SLC29A4: variants seen among roughly 807,000 people sequenced by gnomAD.
SLC29A4 encodes the protein solute carrier family 29 member 4.
A neutral mutation model predicts 43.9 loss-of-function variants in SLC29A4; 36 were observed. The ratio of observed to expected loss-of-function variants is 0.82; its 90% CI spans 0.63 to 1.08. SLC29A4 has a LOEUF of 1.08. Ranked by LOEUF, SLC29A4 falls within the 50% of genes least tolerant of loss-of-function variation. The pLI is 0.00. For synonymous variants in SLC29A4, 491 were observed against 338.0 expected, an observed-to-expected ratio of 1.45 and a Z score of -4.97; for missense variants, 869 against 755.3, an observed-to-expected ratio of 1.15 and a Z score of -1.77.
rs1172332579 is a variant in SLC29A4 at position 5,303,659 on chromosome 7, C to T, written c.*720C>T. The T allele has an allele frequency of 1.3e-5, 2 of 152,320 alleles. No individual in the cohort carries two copies. The highest frequency in any genetic ancestry group is 2.4e-5 in the African/African-American group (1 of 41,438). The allele number at this position is 152,320 out of a possible 1,614,324, so 9.4% of individuals were successfully genotyped here. A position where few individuals can be genotyped will look rare whatever the true frequency, so the allele number is the denominator to read the frequency against. On this transcript the variant is annotated 3_prime_UTR_variant, in exon 11 of 11. Coordinates refer to ENST00000396872, the MANE Select transcript of SLC29A4 (RefSeq NM_153247.4). ...AGGGGGCTGTGCCTGACTAGGGAGC[C>T]CTCCCATTGCCTTCCTGGCCCGGGA...
chr7:5,291,108 C>T lies in SLC29A4; in HGVS notation c.302-16C>T, dbSNP rs375977271. On this transcript the variant is annotated splice_polypyrimidine_tract_variant and intron_variant, in intron 3 of 10. Transcript: ENST00000396872. Reference sequence around the variant, plus strand: ...TGGGGCCTCCCTGAGCACCTGCTGTCTCTGGCCCTCTGCAGGGACCTCCAT... The same window carrying T: ...TGGGGCCTCCCTGAGCACCTGCTGTTTCTGGCCCTCTGCAGGGACCTCCAT... 4 of 1,612,578 alleles carry T rather than the reference C, an allele frequency of 2.5e-6. No individual in the cohort carries two copies. Among genetic ancestry groups the T allele is most frequent in the African/African-American group, 1.3e-5 (1 of 75,010 alleles).
chr7:5,285,978 C>G (rs1257592728), intron 1 of SLC29A4, among the ~76,000 whole-genome samples: 3 of 152,074 alleles, frequency 2.0e-5, no homozygotes, highest in African/African-American at 7.2e-5. Flanking sequence ...CCACTGCACT[C>G]CAGCCTTGGC....
chr7:5,290,249 G>C (rs1785220179), intron 2 of SLC29A4, among the ~76,000 whole-genome samples: 1 of 152,134 alleles, frequency 6.6e-6, no homozygotes, highest in Admixed American at 6.6e-5. Context: ...ATTTTTAGTA[G>C]AGATGGGGTT....
At position 5,302,019 on chromosome 7, in the gene SLC29A4, C is replaced by T. The variant is rs575078689; in HGVS notation, c.1451-778C>T. Among the ~76,000 whole-genome samples, 4 of 152,264 alleles carry T rather than the reference C, an allele frequency of 2.6e-5. No individual in the cohort carries two copies. In the East Asian group the frequency reaches 7.7e-4, roughly 29 times the overall value. On this transcript the variant is annotated intron_variant, in intron 10 of 10. Transcript: ENST00000396872. ...AGGCTGGAGTGCAGTGGCACGATCTCAGCTCACTGCAACCTCTGCCTCGCA... is the reference window on the plus strand; with the variant it reads ...AGGCTGGAGTGCAGTGGCACGATCTTAGCTCACTGCAACCTCTGCCTCGCA...
chr7:5,290,619 G>A (rs545187421), intron 2 of SLC29A4, 113 bp from the exon 3 acceptor site: 12 of 1,385,646 alleles, frequency 8.7e-6, no homozygotes, highest in African/African-American at 8.6e-5. Flanking sequence ...CAGGGGTCAC[G>A]GTGATGGACA....
rs1212335990 is a variant in SLC29A4 at position 5,283,018 on chromosome 7, C to A, written c.-73C>A. ...GCGGAGGACGCCGGGCGCGCCCGGC[C>A]CGAGGCTGGGGGAGCGGGGCGGCGT... On this transcript the variant is annotated 5_prime_UTR_variant, in exon 1 of 11. Transcript: ENST00000396872. 7.4e-6 allele frequency: 1 copy of A among 135,032 alleles called. No individual in the cohort carries two copies. The highest frequency in any genetic ancestry group is 2.7e-5 in the African/African-American group (1 of 36,668). The allele number at this position is 135,032 out of a possible 1,614,324, so 8.4% of individuals were successfully genotyped here.
intron 3 of SLC29A4, 85 bp from the exon 4 acceptor site, chr7:5,291,039 G>T: frequency 6.4e-7 from 1 of 1,554,880 alleles, no homozygotes. Context: ...TGGGCAGCGA[G>T]CCCCTTCTGG....
At position 5,287,789 on chromosome 7, in the gene SLC29A4, C is replaced by A. The variant is rs554717558; in HGVS notation, c.-8-20C>A. 1 of 1,606,548 alleles carries A rather than the reference C, an allele frequency of 6.2e-7. No individual in the cohort carries two copies. The highest frequency in any genetic ancestry group is 1.3e-5 in the African/African-American group (1 of 74,660). Reference sequence around the variant, plus strand: ...TCAGCCTTCTTCCCTCACCTGCTCTCTCTGCTTTCTCCAAAGCAGAGGCTG... The same window carrying A: ...TCAGCCTTCTTCCCTCACCTGCTCTATCTGCTTTCTCCAAAGCAGAGGCTG... On this transcript the variant is annotated intron_variant, in intron 1 of 10. Transcript: ENST00000396872.
intron 6 of SLC29A4, among the ~76,000 whole-genome samples, chr7:5,296,300 C>T (rs1220099109): frequency 1.3e-5 from 2 of 151,606 alleles, no homozygotes; most frequent in African/African-American, 4.9e-5. Context: ...CCACCCTGCG[C>T]CCGTGTGTCA....
In SLC29A4 at chr7:5,287,862, G is replaced by A; in HGVS notation, c.46G>A (p.Gly16Ser). The A allele has an allele frequency of 6.2e-7, 1 of 1,612,016 alleles. No homozygotes were observed. ...SQRLEEPSVA[G>S]TPDPGVVMSF... Reference sequence around the variant, plus strand: ...GCGCCTTGAGGAGCCCAGCGTGGCAGGCACACCAGACCCGGGCGTAGTGAT... The same window carrying A: ...GCGCCTTGAGGAGCCCAGCGTGGCAAGCACACCAGACCCGGGCGTAGTGAT... Residue 16 changes from glycine to serine, a missense_variant, in exon 2 of 11, where the codon GGC (glycine) becomes AGC (serine). By Grantham distance (56) the Gly-to-Ser change is moderately conservative (BLOSUM62 0). Transcript: ENST00000396872.
Position 5,291,158 on chromosome 7 carries a change from C to T in SLC29A4, c.336C>T (p.Tyr112=), listed in dbSNP as rs778728743. 2.8e-5 allele frequency: 45 copies of T among 1,613,868 alleles called. No individual in the cohort carries two copies. The highest frequency in any genetic ancestry group is 3.6e-5 in the Non-Finnish European group (43 of 1,180,042). Residue 112 remains tyrosine, a synonymous_variant, in exon 4 of 11, where the codon TAC becomes TAT. Coordinates refer to ENST00000396872, the MANE Select transcript of SLC29A4 (RefSeq NM_153247.4). ...TSIVFDMSLT[Y]ILVALAAVLL... Reference sequence around the variant, plus strand: ...TCGTGTTTGACATGAGCCTCACCTACATCTTGGTGGCACTGGCAGCTGTCC... The same window carrying T: ...TCGTGTTTGACATGAGCCTCACCTATATCTTGGTGGCACTGGCAGCTGTCC...
intron 4 of SLC29A4, 61 bp downstream of exon 4, chr7:5,291,298 A>T: frequency 6.9e-7 from 1 of 1,455,632 alleles, no homozygotes; most frequent in South Asian, 1.2e-5. Flanking sequence ...CTGGCCGGTC[A>T]CCCACTCACC....
rs1010179669 is a variant in SLC29A4, at chr7:5,305,033, C to G, written c.*2094C>G. 3.3e-5 allele frequency: 5 copies of G among 152,230 alleles called. No individual in the cohort carries two copies. The highest frequency in any genetic ancestry group is 7.3e-5 in the Non-Finnish European group (5 of 68,072). The allele number at this position is 152,230 out of a possible 1,614,324, so 9.4% of individuals were successfully genotyped here. A position where few individuals can be genotyped will look rare whatever the true frequency, so the allele number is the denominator to read the frequency against. On this transcript the variant is annotated 3_prime_UTR_variant, in exon 11 of 11. Transcript: ENST00000396872. ...GGGTCTTGCTGTTGCCCAGACTGGTCTCAAAGTCTGGGCCTCAAGTGTTCC... is the reference window on the plus strand; with the variant it reads ...GGGTCTTGCTGTTGCCCAGACTGGTGTCAAAGTCTGGGCCTCAAGTGTTCC...
At chr7:5,289,089 A>G (rs1036601394) in intron 2 of SLC29A4, among the ~76,000 whole-genome samples, 8 of 152,150 alleles carry the variant, frequency 5.3e-5, no homozygotes, top group African/African-American at 9.7e-5. Flanking sequence ...TTATGCTAGT[A>G]CTTTAGGCTC....
At chr7:5,293,725 G>C (rs1482573533) in intron 5 of SLC29A4, among the ~76,000 whole-genome samples, 1 of 152,152 alleles carries the variant, frequency 6.6e-6, no homozygotes, top group African/African-American at 2.4e-5. Context: ...GTTCACTGCA[G>C]CCTCAACCTC....
In SLC29A4 at chr7:5,292,690, C is replaced by CTTTTTT. The variant is rs1056329272; in HGVS notation, c.544+892_544+897dup. ...TTCTACCAGCCAAGACATTTTTTTCCTTTTTTTTTTTTTTTTTTTTTTTTT... is the reference window on the plus strand; with the variant it reads ...TTCTACCAGCCAAGACATTTTTTTCCTTTTTTTTTTTTTTTTTTTTTTTTTTTTTTT... On this transcript the variant is annotated intron_variant, in intron 5 of 10. Coordinates refer to ENST00000396872, the MANE Select transcript of SLC29A4 (RefSeq NM_153247.4). Among the ~76,000 whole-genome samples the CTTTTTT allele has an allele frequency of 2.3e-3, 152 of 67,410 alleles. 19 individuals carry two copies. The highest frequency in any genetic ancestry group is 8.7e-3 in the African/African-American group (140 of 16,080). The allele number at this position is 67,410 out of a possible 152,430, so 44.2% of individuals were successfully genotyped here.
intron 9 of SLC29A4, 116 bp from the exon 10 acceptor site, chr7:5,300,306 G>A (rs754952461): frequency 4.7e-6 from 7 of 1,495,638 alleles, no homozygotes; most frequent in South Asian, 1.2e-5. Context: ...GGTGCAGGCT[G>A]AGCTGGACAG....
intron 5 of SLC29A4, among the ~76,000 whole-genome samples, chr7:5,292,264 C>G (rs1304981820): frequency 6.6e-6 from 1 of 152,160 alleles, no homozygotes; most frequent in Non-Finnish European, 1.5e-5. Context: ...GCACATGCCA[C>G]CAAGCCTGGC....
chr7:5,300,385 G>T, intron 9 of SLC29A4, 37 bp from the exon 10 acceptor site: 2 of 1,609,144 alleles, frequency 1.2e-6, no homozygotes, highest in Non-Finnish European at 8.5e-7. Context: ...TGGGGCTGTG[G>T]CCGGGACAGG....
Sources: allele counts gnomAD v4.1 joint callset (sites outside exome capture counted in the v4.1 genomes callset), GRCh38; gene constraint gnomAD v4.1.1; transcripts MANE v1.5; gene names NCBI Gene and HGNC (gene_info 2026-07-23, HGNC 2026-07-21).